The following FIG4 variants were observed in gnomAD, a reference collection of about 807,000 sequenced individuals.
The protein encoded by FIG4 is FIG4 phosphoinositide 5-phosphatase.
In FIG4, 112 loss-of-function variants were observed where a neutral mutation model predicts 118.6. That is an observed-to-expected ratio of 0.94 (90% CI 0.81 to 1.11). The LOEUF (loss-of-function observed/expected upper bound fraction) is 1.11, where lower values mean the gene tolerates loss of function less well. Among genes scored for constraint, FIG4 ranks in the 50% least tolerant of loss-of-function variants. The probability of loss-of-function intolerance (pLI) is 0.00; values close to 1 mark genes in which losing one functional copy is unlikely to be tolerated. For synonymous variants in FIG4, 369 were observed against 381.2 expected (o/e 0.97, Z 0.37); for missense variants, 969 against 1,111.7 (o/e 0.87, Z 1.83).
At chr6:109,763,808 A>G (rs879880682) in intron 12 of FIG4, 129 bp from the exon 13 acceptor site, 8 of 698,844 alleles carry the variant, frequency 1.1e-5, no homozygotes, top group Non-Finnish European at 1.8e-5. Flanking sequence ...AGTAGGCAGG[A>G]TCAGCTGATT....
intron 15 of FIG4, among the ~76,000 whole-genome samples, chr6:109,773,817 G>C (rs532677584): frequency 6.6e-6 from 1 of 152,062 alleles, no homozygotes; most frequent in Admixed American, 6.6e-5. Context: ...GACCACACTC[G>C]TCTAATTTTT....
chr6:109,822,179 TTACTA>T (rs778012923), intron 22 of FIG4, among the ~76,000 whole-genome samples: 7 of 152,174 alleles, frequency 4.6e-5, no homozygotes, highest in African/African-American at 7.2e-5. Context: ...AAACAAGTGA[TTACTA>T]TAGAAGTCAG....
At chr6:109,691,551 G>T (rs1412971140) in intron 1 of FIG4, 50 bp downstream of exon 1, 3 of 1,446,638 alleles carry the variant, frequency 2.1e-6, no homozygotes, top group Non-Finnish European at 2.9e-6. Context: ...GATGTCTGCC[G>T]GTGGGTGTGG....
chr6:109,822,781 GTGTATGTA>G (rs1195977672), intron 22 of FIG4, among the ~76,000 whole-genome samples: 637 of 55,516 alleles, frequency 0.011, 14 homozygotes, highest in African/African-American at 0.043. Flanking sequence ...ATGTGTGTGT[GTGTATGTA>G]TATATATATA....
intron 8 of FIG4, among the ~76,000 whole-genome samples, chr6:109,742,621 G>A (rs1776359897): frequency 6.6e-6 from 1 of 152,008 alleles, no homozygotes; most frequent in Non-Finnish European, 1.5e-5. Context: ...TGTTATTACT[G>A]CCTCTAAAAT....
chr6:109,759,002 A>G (rs1271110666), intron 10 of FIG4, among the ~76,000 whole-genome samples: 2 of 152,038 alleles, frequency 1.3e-5, no homozygotes, highest in Non-Finnish European at 2.9e-5. Context: ...CACTGTTGGG[A>G]GTGTAAATTA....
At chr6:109,823,488 CTTGGCTG>C in intron 22 of FIG4, among the ~76,000 whole-genome samples, 1 of 152,278 alleles carries the variant, frequency 6.6e-6, no homozygotes, top group East Asian at 1.9e-4. Flanking sequence ...AGTAAGCTAT[CTTGGCTG>C]TTTGCTGGGA....
chr6:109,807,689 A>G (rs1320629471), intron 22 of FIG4, among the ~76,000 whole-genome samples: 1 of 152,080 alleles, frequency 6.6e-6, no homozygotes, highest in Non-Finnish European at 1.5e-5. Flanking sequence ...GCCCATGCCT[A>G]TGTTCTGAAT....
chr6:109,807,645 C>T (rs1251940098), intron 22 of FIG4, among the ~76,000 whole-genome samples: 2 of 152,114 alleles, frequency 1.3e-5, no homozygotes, highest in Non-Finnish European at 2.9e-5. Context: ...GCTTTTGTTG[C>T]CATTGCTTTT....
rs1562685713 is a variant in FIG4 at position 109,789,670 on chromosome 6, G to GT, written c.2174dup (p.Leu726IlefsTer7). On this transcript the variant is annotated frameshift_variant, in exon 19 of 23. Coordinates refer to ENST00000230124, the MANE Select transcript of FIG4 (RefSeq NM_014845.6). LOFTEE classifies it high-confidence loss of function. ...TAAACCAGATGAAACTGGAAAATCAGTATTGGGGTAAGATTTGTGTATAGA... is the reference window on the plus strand; with the variant it reads ...TAAACCAGATGAAACTGGAAAATCAGTTATTGGGGTAAGATTTGTGTATAGA... The GT allele has an allele frequency of 1.2e-6, 2 of 1,607,890 alleles. No homozygotes were observed. Among genetic ancestry groups the GT allele is most frequent in the East Asian group, 4.5e-5 (2 of 44,766 alleles).
chr6:109,716,509 A>G lies in FIG4; in HGVS notation c.230A>G (p.Lys77Arg). 1.9e-6 allele frequency: 3 copies of G among 1,614,016 alleles called. No individual in the cohort carries two copies. Among genetic ancestry groups the G allele is most frequent in the Non-Finnish European group, 2.5e-6 (3 of 1,179,884 alleles). ...CGCTTGGATCTTGGAAATAGAACAA[A>G]GATGGGACAGAAAGGATCCTCGGGC... ...LGRLDLGNRT[K>R]MGQKGSSGLF... The change falls in exon 3 of 23, where the codon AAG (lysine) becomes AGG (arginine). Residue 77 changes from lysine (K) to arginine (R), a missense_variant. Physicochemically the swap from Lys to Arg is conservative, Grantham distance 26. Coordinates refer to ENST00000230124, the MANE Select transcript of FIG4 (RefSeq NM_014845.6).
chr6:109,825,408 A>AAT lies in FIG4; in HGVS notation c.*145_*146dup. ...CACTTGCAAATTCCAAATTATAGCT[A>AAT]ATAAAGATGACTAGATAATTTGCTG... On this transcript the variant is annotated 3_prime_UTR_variant, in exon 23 of 23. Coordinates refer to ENST00000230124, the MANE Select transcript of FIG4 (RefSeq NM_014845.6). The AAT allele has an allele frequency of 7.0e-6, 5 of 714,398 alleles. No individual in the cohort carries two copies. Among genetic ancestry groups the AAT allele is most frequent in the Non-Finnish European group, 1.2e-5 (5 of 408,272 alleles). The allele number at this position is 714,398 out of a possible 1,614,324, so 44.3% of individuals were successfully genotyped here.
intron 10 of FIG4, among the ~76,000 whole-genome samples, chr6:109,760,040 C>T (rs567031428): frequency 6.6e-6 from 1 of 152,242 alleles, no homozygotes; most frequent in African/African-American, 2.4e-5. Context: ...CTCCTAGAAT[C>T]TTCAAAGTTC....
rs1441332805 is a variant in FIG4 at position 109,765,129 on chromosome 6, A to G, written c.1551A>G (p.Lys517=). The change falls in exon 14 of 23, where the codon AAA becomes AAG. Residue 517 remains lysine, a synonymous_variant. Coordinates refer to ENST00000230124, the MANE Select transcript of FIG4 (RefSeq NM_014845.6). Reference sequence around the variant, plus strand: ...TGTATTCACTGGGACTGATTGACAAACCTAATCTACAGTTTGATACAGATG... The same window carrying G: ...TGTATTCACTGGGACTGATTGACAAGCCTAATCTACAGTTTGATACAGATG... ...YQLYSLGLID[K]PNLQFDTDAV... is the part of the protein sequence containing the mutation. 5 of 1,614,032 alleles carry G rather than the reference A, an allele frequency of 3.1e-6. No individual in the cohort carries two copies. The Admixed American group carries it at 6.7e-5, about 22-fold the overall frequency.
At chr6:109,774,591 C>T (rs979768610) in intron 15 of FIG4, among the ~76,000 whole-genome samples, 16 of 151,868 alleles carry the variant, frequency 1.1e-4, no homozygotes, top group Non-Finnish European at 1.8e-4. Flanking sequence ...TTAATGTTCC[C>T]CTTGGCAGAG....
At chr6:109,741,658 A>G in intron 8 of FIG4, 114 bp downstream of exon 8, 1 of 775,782 alleles carries the variant, frequency 1.3e-6, no homozygotes, top group Non-Finnish European at 2.3e-6. Context: ...GGATATTATC[A>G]AGAGAATACA....
chr6:109,790,868 A>G (rs968699676), intron 19 of FIG4, among the ~76,000 whole-genome samples: 3 of 152,212 alleles, frequency 2.0e-5, no homozygotes, highest in Admixed American at 2.0e-4. Flanking sequence ...TTGTTTACTA[A>G]TAACACAATA....
At chr6:109,824,140 A>G (rs1779088851) in intron 22 of FIG4, among the ~76,000 whole-genome samples, 1 of 152,204 alleles carries the variant, frequency 6.6e-6, no homozygotes, top group Non-Finnish European at 1.5e-5. Context: ...GGGTGCATGG[A>G]AATTTTAAGC....
chr6:109,791,422 G>A lies in FIG4; in HGVS notation c.2227G>A (p.Ala743Thr). The change falls in exon 20 of 23, where the codon GCC becomes ACC. Residue 743 changes from alanine (A) to threonine (T), a missense_variant. This residue lies in a region of FIG4 where 330 missense variants were observed against 348.1 expected (regional missense o/e 0.95). Coordinates refer to ENST00000230124, the MANE Select transcript of FIG4 (RefSeq NM_014845.6). ...AGCTGTATTACAGCGGAAAACGGCA[G>A]CCAGCGCCCCGCCGCCCCCCAGCGA... ...EEAVLQRKTA[A>T]SAPPPPSEEA... 1 of 1,613,608 alleles carries A rather than the reference G, an allele frequency of 6.2e-7. No homozygotes were observed. The highest frequency in any genetic ancestry group is 8.5e-7 in the Non-Finnish European group (1 of 1,180,010).
Sources: allele counts gnomAD v4.1 joint callset (sites outside exome capture counted in the v4.1 genomes callset), GRCh38; gene constraint gnomAD v4.1.1; regional missense constraint gnomAD v4.1.1; transcripts MANE v1.5; gene names NCBI Gene and HGNC (gene_info 2026-07-23, HGNC 2026-07-21).